UMAD1: variants seen among roughly 807,000 people sequenced by gnomAD.
UMAD1 encodes the protein UBAP1-MVB12-associated (UMA)-domain containing protein 1.
UMAD1 carries 8 observed loss-of-function variants against 6.1 expected under a neutral mutation model. The observed-to-expected ratio is 1.30, with a 90% CI of 0.76 to 2.35. The LOEUF is 2.35. UMAD1 is among the 30% of genes most tolerant of loss of function. The pLI, the probability that UMAD1 is intolerant of heterozygous loss-of-function variation, is 0.00. For synonymous variants in UMAD1, 56 were observed against 31.4 expected, an observed-to-expected ratio of 1.78 and a Z score of -2.61; for missense variants, 130 against 78.4, an observed-to-expected ratio of 1.66 and a Z score of -2.49.
rs144331077 is a variant in UMAD1, at chr7:7,823,687, G to A, written c.156+21944G>A. On this transcript the variant is annotated intron_variant, in intron 3 of 3. Transcript: ENST00000682710. ...TTTTATTTTTGAAAAACATATTAGC[G>A]TATATATTTCTGGATAATTTTCACA... is the stretch of plus-strand genomic sequence containing the variant. Among the ~76,000 whole-genome samples, 31 of 152,022 alleles carry A rather than the reference G, an allele frequency of 2.0e-4. No individual in the cohort carries two copies. The South Asian group carries it at 2.3e-3, about 11-fold the overall frequency.
In UMAD1 at chr7:7,862,849, T is replaced by G. The variant is rs544172255; in HGVS notation, c.157-14432T>G. 3.9e-5 allele frequency among the ~76,000 whole-genome samples: 6 copies of G among 152,296 alleles called. No homozygotes were observed. In the South Asian group the frequency reaches 1.2e-3, roughly 32 times the overall value. On this transcript the variant is annotated intron_variant, in intron 3 of 3. Transcript: ENST00000682710. The stretch of plus-strand genomic sequence containing the variant: ...AAAAAACAAAAAAACTACAGACAAG[T>G]AACCTTTAAAATTATTTCGCTTGAT...
At chr7:7,769,735 C>G (rs1782065935) in intron 2 of UMAD1, among the ~76,000 whole-genome samples, 1 of 152,120 alleles carries the variant, frequency 6.6e-6, no homozygotes, top group African/African-American at 2.4e-5. Flanking sequence ...GTGGCATGTT[C>G]TGGAAATGGT....
In UMAD1 at chr7:7,879,168, AT is replaced by A. The variant is rs1297221537; in HGVS notation, c.*1633del. ...TTCATGTGTCTATAAAAAATGTTAT[AT>A]TTAAATAAATGTGAATTAAAATAAA... On this transcript the variant is annotated 3_prime_UTR_variant, in exon 4 of 4. Coordinates refer to ENST00000682710, the MANE Select transcript of UMAD1 (RefSeq NM_001302348.2). 1.3e-5 allele frequency: 2 copies of A among 152,212 alleles called. No homozygotes were observed. Among genetic ancestry groups the A allele is most frequent in the Non-Finnish European group, 2.9e-5 (2 of 68,022 alleles). 9.4% of individuals were successfully genotyped at this position (152,212 alleles called of 1,614,324 possible).
At chr7:7,812,139 A>AT (rs531300503) in intron 3 of UMAD1, among the ~76,000 whole-genome samples, 1 of 152,172 alleles carries the variant, frequency 6.6e-6, no homozygotes, top group South Asian at 2.1e-4. Flanking sequence ...TCTGGCTTGC[A>AT]TTGGGGTTAA....
intron 2 of UMAD1, among the ~76,000 whole-genome samples, chr7:7,713,297 T>C (rs35209697): frequency 0.051 from 7,797 of 152,046 alleles, 249 homozygotes; most frequent in Middle Eastern, 0.12. Context: ...TGAGCTGAGA[T>C]TGCGCCACTG....
At chr7:7,704,677 G>C (rs549020173) in intron 2 of UMAD1, among the ~76,000 whole-genome samples, 37 of 134,242 alleles carry the variant, frequency 2.8e-4, no homozygotes, top group African/African-American at 1.0e-3. Context: ...CTGAGGGTGA[G>C]AATCACTTGA....
At chr7:7,801,890 G>A in intron 3 of UMAD1, 147 bp downstream of exon 3, 1 of 615,028 alleles carries the variant, frequency 1.6e-6, no homozygotes, top group Non-Finnish European at 2.9e-6. Flanking sequence ...GAAAGTCAGT[G>A]GAGAGCAGTA....
At chr7:7,652,460 C>T (rs145095066) in intron 1 of UMAD1, among the ~76,000 whole-genome samples, 2 of 152,284 alleles carry the variant, frequency 1.3e-5, no homozygotes, top group East Asian at 3.9e-4. Flanking sequence ...TGAAGCAAGT[C>T]ATTAGACAGC....
chr7:7,827,652 TAGTA>T (rs1237375852), intron 3 of UMAD1, among the ~76,000 whole-genome samples: 1 of 152,128 alleles, frequency 6.6e-6, no homozygotes, highest in Non-Finnish European at 1.5e-5. Flanking sequence ...CTAGAAGTAA[TAGTA>T]AGATATAACT....
intron 2 of UMAD1, among the ~76,000 whole-genome samples, chr7:7,799,563 T>C (rs1782757519): frequency 6.6e-6 from 1 of 152,248 alleles, no homozygotes; most frequent in South Asian, 2.1e-4. Flanking sequence ...TTTTAAAAGA[T>C]AAATAATATT....
chr7:7,846,157 A>G (rs1214730094), intron 3 of UMAD1, among the ~76,000 whole-genome samples: 1 of 152,076 alleles, frequency 6.6e-6, no homozygotes, highest in African/African-American at 2.4e-5. Flanking sequence ...CCTATCTGTA[A>G]ATTGGGGTTA....
intron 3 of UMAD1, among the ~76,000 whole-genome samples, chr7:7,844,080 C>T (rs1381173970): frequency 6.6e-6 from 1 of 152,184 alleles, no homozygotes; most frequent in Non-Finnish European, 1.5e-5. Context: ...AAATTCATAG[C>T]CGCCTTCTAC....
In UMAD1 at chr7:7,801,613, G is replaced by A. The variant is rs149601140; in HGVS notation, c.83-57G>A. 1.3e-4 allele frequency: 89 copies of A among 694,302 alleles called. No individual in the cohort carries two copies. In the African/African-American group the frequency reaches 1.5e-3, roughly 11 times the overall value. The allele number at this position is 694,302 out of a possible 1,614,324, so 43.0% of individuals were successfully genotyped here. On this transcript the variant is annotated intron_variant, in intron 2 of 3. Coordinates refer to ENST00000682710, the MANE Select transcript of UMAD1 (RefSeq NM_001302348.2). ...AGATACTTCAAACAAATAGCAAGTA[G>A]TTTGGCCTCAGTAATATGGTCAAGT...
At chr7:7,852,110 A>G (rs188103409) in intron 3 of UMAD1, among the ~76,000 whole-genome samples, 3 of 152,210 alleles carry the variant, frequency 2.0e-5, no homozygotes, top group Non-Finnish European at 4.4e-5. Context: ...TGTCCCAGCA[A>G]TATTTGTTAA....
intron 3 of UMAD1, among the ~76,000 whole-genome samples, chr7:7,819,818 T>C (rs1783207272): frequency 6.6e-6 from 1 of 152,230 alleles, no homozygotes; most frequent in South Asian, 2.1e-4. Context: ...CCGGGTACAC[T>C]GTTGAAATAG....
intron 3 of UMAD1, among the ~76,000 whole-genome samples, chr7:7,831,736 G>C (rs1783471223): frequency 6.6e-6 from 1 of 152,142 alleles, no homozygotes; most frequent in South Asian, 2.1e-4. Context: ...CCTCGTGGGA[G>C]TATTGTGAGA....
Position 7,787,821 on chromosome 7 carries a change from G to T in UMAD1, c.83-13849G>T, listed in dbSNP as rs184426608. 1.8e-3 allele frequency among the ~76,000 whole-genome samples: 267 copies of T among 152,280 alleles called. 2 individuals carry two copies. Among genetic ancestry groups the T allele is most frequent in the African/African-American group, 6.0e-3 (251 of 41,554 alleles). ...AATCCCATCCAAATTTCACATTAGG[G>T]TTATGATTGTAGATCTCTCCTTAAG... On this transcript the variant is annotated intron_variant, in intron 2 of 3. Transcript: ENST00000682710.
intron 2 of UMAD1, among the ~76,000 whole-genome samples, chr7:7,788,463 C>A (rs1210891468): frequency 6.6e-6 from 1 of 152,162 alleles, no homozygotes; most frequent in African/African-American, 2.4e-5. Context: ...CCCAGTGCTT[C>A]TTCTTTCTTA....
At chr7:7,713,182 CA>C (rs768521316) in intron 2 of UMAD1, among the ~76,000 whole-genome samples, 94 of 143,648 alleles carry the variant, frequency 6.5e-4, no homozygotes, top group South Asian at 6.6e-4. Context: ...ACTAAAAATA[CA>C]AAAAAAAAAA....
Sources: gnomAD v4.1 joint callset for allele counts (sites outside exome capture counted in the v4.1 genomes callset) on GRCh38, gnomAD v4.1.1 for gene constraint, MANE v1.5 for transcripts, NCBI Gene and HGNC (gene_info 2026-07-23, HGNC 2026-07-21) for gene names.